The following NKAIN2 variants were observed in gnomAD, a reference collection of about 807,000 sequenced individuals.
NKAIN2 encodes the protein sodium/potassium-transporting ATPase subunit beta-1-interacting protein 2.
Under a neutral mutation model 32.6 loss-of-function variants are expected in NKAIN2, and 14 were observed. The observed-to-expected ratio is 0.43, with a 90% CI of 0.28 to 0.67. The LOEUF is 0.67. NKAIN2 is among the 30% of genes least tolerant of loss of function. NKAIN2 has a pLI of 0.17. For synonymous variants in NKAIN2, 80 were observed against 87.2 expected (o/e 0.92, Z 0.46); for missense variants, 198 against 258.3 (o/e 0.77, Z 1.60).
intron 4 of NKAIN2, among the ~76,000 whole-genome samples, chr6:124,725,819 C>T (rs1776261393): frequency 6.6e-6 from 1 of 152,166 alleles, no homozygotes. Context: ...CTAGGGAATG[C>T]CAGACAGTGG....
intron 4 of NKAIN2, among the ~76,000 whole-genome samples, chr6:124,664,433 T>G (rs1772672285): frequency 6.6e-6 from 1 of 152,040 alleles, no homozygotes; most frequent in Non-Finnish European, 1.5e-5. Flanking sequence ...CAATGCCTTA[T>G]GGACATGGGA....
intron 3 of NKAIN2, among the ~76,000 whole-genome samples, chr6:124,576,144 T>G (rs74329892): frequency 0.017 from 2,636 of 152,332 alleles, 80 homozygotes; most frequent in African/African-American, 0.061. Flanking sequence ...GATACACATT[T>G]TTATGATTTC....
intron 3 of NKAIN2, among the ~76,000 whole-genome samples, chr6:124,381,339 A>G (rs1772625889): frequency 6.6e-6 from 1 of 152,198 alleles, no homozygotes; most frequent in African/African-American, 2.4e-5. Flanking sequence ...ATAAATATTC[A>G]TAGCTATCAC....
At chr6:124,760,549 G>A (rs975881242) in intron 4 of NKAIN2, among the ~76,000 whole-genome samples, 1 of 151,976 alleles carries the variant, frequency 6.6e-6, no homozygotes, top group African/African-American at 2.4e-5. Flanking sequence ...CTGGGTCTGC[G>A]GGAACTCAGT....
At chr6:124,576,550 A>T (rs497756) in intron 3 of NKAIN2, among the ~76,000 whole-genome samples, 69,222 of 152,086 alleles carry the variant, frequency 0.46, 18,962 homozygotes, top group Non-Finnish European at 0.59. Flanking sequence ...TATTTTATAA[A>T]GTAGTGGGGC....
At chr6:124,768,850 C>G (rs1778627543) in intron 4 of NKAIN2, among the ~76,000 whole-genome samples, 1 of 152,040 alleles carries the variant, frequency 6.6e-6, no homozygotes, top group African/African-American at 2.4e-5. Context: ...TGTTTCTTTC[C>G]AGGGACATAA....
intron 1 of NKAIN2, among the ~76,000 whole-genome samples, chr6:124,015,634 A>T (rs1247042862): frequency 6.6e-6 from 1 of 152,190 alleles, no homozygotes; most frequent in Non-Finnish European, 1.5e-5. Flanking sequence ...TAGCACAGCT[A>T]CTCAGGCCTC....
rs748441175 is a variant in NKAIN2 at position 124,199,339 on chromosome 6, G to A, written c.55-83666G>A. Among the ~76,000 whole-genome samples, 13 of 152,256 alleles carry A rather than the reference G, an allele frequency of 8.5e-5. No homozygotes were observed. The South Asian group carries it at 1.0e-3, about 12-fold the overall frequency. ...TTAAAGAATCATGAAAGGTGAATGCGAGATCTGGCTGCAGTCCCATGTCCT... is the reference window on the plus strand; with the variant it reads ...TTAAAGAATCATGAAAGGTGAATGCAAGATCTGGCTGCAGTCCCATGTCCT... On this transcript the variant is annotated intron_variant, in intron 1 of 6. Transcript: ENST00000368417.
intron 3 of NKAIN2, among the ~76,000 whole-genome samples, chr6:124,625,051 A>C (rs571483984): frequency 2.0e-5 from 3 of 152,244 alleles, no homozygotes; most frequent in African/African-American, 4.8e-5. Flanking sequence ...CATATATCTA[A>C]AATACTAAGT....
intron 4 of NKAIN2, among the ~76,000 whole-genome samples, chr6:124,666,580 A>T (rs1236035851): frequency 6.6e-6 from 1 of 152,158 alleles, no homozygotes; most frequent in Non-Finnish European, 1.5e-5. Flanking sequence ...TAACACCTTG[A>T]TTGTAATGTC....
At chr6:124,756,001 G>A (rs1428132002) in intron 4 of NKAIN2, among the ~76,000 whole-genome samples, 1 of 151,546 alleles carries the variant, frequency 6.6e-6, no homozygotes, top group African/African-American at 2.4e-5. Context: ...CTAACCCAAT[G>A]TCTGGCACAG....
chr6:123,934,010 T>C (rs1168137958), intron 1 of NKAIN2, among the ~76,000 whole-genome samples: 1 of 136,408 alleles, frequency 7.3e-6, no homozygotes, highest in Non-Finnish European at 1.6e-5. Flanking sequence ...ACTGTTTGTA[T>C]GGATCCTTTA....
rs1249752329 is a variant in NKAIN2 at position 123,851,526 on chromosome 6, C to T, written c.54+47272C>T. The stretch of plus-strand genomic sequence containing the variant: ...TCAGCCTACCAAAGTGTTGAGATTA[C>T]AGTTATGAGCCACCACGCCCAGCTG... On this transcript the variant is annotated intron_variant, in intron 1 of 6. Transcript: ENST00000368417. Among the ~76,000 whole-genome samples, 12 of 152,220 alleles carry T rather than the reference C, an allele frequency of 7.9e-5. No homozygotes were observed. The East Asian group carries it at 2.1e-3, about 27-fold the overall frequency.
intron 1 of NKAIN2, among the ~76,000 whole-genome samples, chr6:123,903,400 T>G (rs1774699016): frequency 6.6e-6 from 1 of 152,186 alleles, no homozygotes; most frequent in African/African-American, 2.4e-5. Context: ...TGCTAGATAT[T>G]AAATGATGAA....
At chr6:124,633,152 G>T (rs562997153) in intron 3 of NKAIN2, among the ~76,000 whole-genome samples, 1 of 152,206 alleles carries the variant, frequency 6.6e-6, no homozygotes, top group East Asian at 1.9e-4. Flanking sequence ...TCCTTGAGAG[G>T]CAAGAAAGTA....
At chr6:124,012,326 T>C (rs999730290) in intron 1 of NKAIN2, among the ~76,000 whole-genome samples, 17 of 143,824 alleles carry the variant, frequency 1.2e-4, no homozygotes, top group Non-Finnish European at 2.1e-4. Context: ...CTTCTTTCAC[T>C]CTACATGATT....
chr6:124,596,122 C>T (rs74342666), intron 3 of NKAIN2, among the ~76,000 whole-genome samples: 2,636 of 152,270 alleles, frequency 0.017, 79 homozygotes, highest in African/African-American at 0.06. Flanking sequence ...GAAGGAAACA[C>T]TGATGCCTTG....
At chr6:123,840,133 A>G (rs115260025) in intron 1 of NKAIN2, among the ~76,000 whole-genome samples, 3 of 152,070 alleles carry the variant, frequency 2.0e-5, no homozygotes, top group Admixed American at 1.3e-4. Context: ...TATGGCAGGA[A>G]CAGTAATTGA....
At chr6:124,177,544 A>T (rs899162264) in intron 1 of NKAIN2, among the ~76,000 whole-genome samples, 2 of 152,198 alleles carry the variant, frequency 1.3e-5, no homozygotes, top group Non-Finnish European at 2.9e-5. Flanking sequence ...GAAAATAGGA[A>T]ATACAAAAAA....
Sources: allele counts gnomAD v4.1 joint callset (sites outside exome capture counted in the v4.1 genomes callset), GRCh38; gene constraint gnomAD v4.1.1; transcripts MANE v1.5; gene names NCBI Gene and HGNC (gene_info 2026-07-23, HGNC 2026-07-21).